Variants in CNOT2 observed in about 807,000 individuals in gnomAD.
CNOT2 encodes CC chemokine receptor 4-negative regulator of transcription 2.
Under a neutral mutation model 72.1 loss-of-function variants are expected in CNOT2, and 7 were observed. The ratio of observed to expected loss-of-function variants is 0.10; its 90% CI spans 0.06 to 0.18. The LOEUF is 0.18. Ranked by LOEUF, CNOT2 falls within the 10% of genes least tolerant of loss-of-function variation. The pLI, the probability that CNOT2 is intolerant of heterozygous loss-of-function variation, is 1.00. For synonymous variants in CNOT2, 196 were observed against 225.6 expected (o/e 0.87, Z 1.17); for missense variants, 345 against 660.3 (o/e 0.52, Z 5.23).
At chr12:70,293,355 C>T (rs1872266222) in intron 2 of CNOT2, among the ~76,000 whole-genome samples, 1 of 151,950 alleles carries the variant, frequency 6.6e-6, no homozygotes, top group Non-Finnish European at 1.5e-5. Flanking sequence ...AGAAGGGTTT[C>T]TCCATGTTGG....
At chr12:70,245,773 A>G (rs995539286) in intron 1 of CNOT2, among the ~76,000 whole-genome samples, 58 of 152,212 alleles carry the variant, frequency 3.8e-4, no homozygotes, top group African/African-American at 1.3e-3. Context: ...AACTTCCCAT[A>G]TACCTCCCTA....
chr12:70,332,553 C>A, intron 6 of CNOT2: 1 of 661,970 alleles, frequency 1.5e-6, no homozygotes, highest in Non-Finnish European at 2.1e-6. Context: ...TTTAACTAAT[C>A]TGCCTAAAAT....
intron 2 of CNOT2, among the ~76,000 whole-genome samples, chr12:70,291,939 A>AAAAAC (rs1316787138): frequency 6.6e-6 from 1 of 152,232 alleles, no homozygotes; most frequent in Non-Finnish European, 1.5e-5. Flanking sequence ...TCCGTCTCAA[A>AAAAAC]AAAACAAAAC....
At chr12:70,310,061 A>G (rs1043536020) in intron 2 of CNOT2, among the ~76,000 whole-genome samples, 28 of 152,118 alleles carry the variant, frequency 1.8e-4, no homozygotes, top group African/African-American at 6.3e-4. Flanking sequence ...TTTACATTGT[A>G]TTAGATATTA....
At chr12:70,288,086 A>T (rs1419470441) in intron 2 of CNOT2, among the ~76,000 whole-genome samples, 1 of 139,488 alleles carries the variant, frequency 7.2e-6, no homozygotes, top group Non-Finnish European at 1.5e-5. Context: ...GAACATCAAG[A>T]TTTTTTGCTG....
chr12:70,307,177 T>C (rs897478006), intron 2 of CNOT2, among the ~76,000 whole-genome samples: 4 of 152,234 alleles, frequency 2.6e-5, no homozygotes, highest in Non-Finnish European at 5.9e-5. Flanking sequence ...ACACTTAGGC[T>C]ACACTAAATT....
At chr12:70,265,273 T>TTCTTCTCTTCTCTTCTCTTC (rs1555188161) in intron 1 of CNOT2, among the ~76,000 whole-genome samples, 5,922 of 125,350 alleles carry the variant, frequency 0.047, 209 homozygotes, top group Non-Finnish European at 0.068. Flanking sequence ...TTCGTTTTGT[T>TTCTTCTCTTCTCTTCTCTTC]TCTTCTCTTC....
chr12:70,294,319 G>A (rs777598597), intron 2 of CNOT2: 2 of 1,285,096 alleles, frequency 1.6e-6, no homozygotes, highest in African/African-American at 1.5e-5. Flanking sequence ...GGGAAAGCCG[G>A]GGGAAAAATG....
intron 15 of CNOT2, among the ~76,000 whole-genome samples, chr12:70,347,275 G>C (rs917359502): frequency 2.6e-5 from 4 of 151,992 alleles, no homozygotes; most frequent in Admixed American, 1.3e-4. Context: ...AACATTTTAA[G>C]AAGACAATGT....
chr12:70,265,063 C>G (rs1958955997), intron 1 of CNOT2, among the ~76,000 whole-genome samples: 1 of 151,348 alleles, frequency 6.6e-6, no homozygotes, highest in African/African-American at 2.4e-5. Context: ...GAATTTTTGC[C>G]TTTATATTTA....
At chr12:70,335,854 A>C (rs964513877) in intron 8 of CNOT2, 18 of 213,606 alleles carry the variant, frequency 8.4e-5, no homozygotes, top group African/African-American at 3.5e-4. Context: ...GTTTACCTTA[A>C]GTGTTTTATT....
chr12:70,276,734 GAT>G (rs1364408339), intron 1 of CNOT2, among the ~76,000 whole-genome samples: 2 of 151,930 alleles, frequency 1.3e-5, no homozygotes, highest in Non-Finnish European at 2.9e-5. Flanking sequence ...TTTTGAAAGA[GAT>G]ATTTAATTCC....
At chr12:70,327,460 G>A (rs1036182812) in intron 4 of CNOT2, 1 of 151,890 alleles carries the variant, frequency 6.6e-6, no homozygotes, top group East Asian at 1.9e-4. Flanking sequence ...TAGCAGCTAA[G>A]AGATCTAAAT....
intron 2 of CNOT2, among the ~76,000 whole-genome samples, chr12:70,295,089 C>G (rs1329855909): frequency 6.6e-6 from 1 of 152,150 alleles, no homozygotes; most frequent in African/African-American, 2.4e-5. Flanking sequence ...TACTTTTGAG[C>G]TTCTTCTCAG....
intron 1 of CNOT2, among the ~76,000 whole-genome samples, chr12:70,268,666 G>T (rs921800576): frequency 6.6e-6 from 1 of 150,436 alleles, no homozygotes; most frequent in East Asian, 2.0e-4. Flanking sequence ...TCACTATGTT[G>T]CCTGGTCTGG....
chr12:70,250,531 GAGAC>G (rs1029600976), intron 1 of CNOT2, among the ~76,000 whole-genome samples: 18 of 152,148 alleles, frequency 1.2e-4, no homozygotes, highest in African/African-American at 2.6e-4. Context: ...TCTGGAGGAG[GAGAC>G]AGACAGTAAA....
intron 11 of CNOT2, among the ~76,000 whole-genome samples, chr12:70,341,246 C>T (rs1297314912): frequency 6.6e-6 from 1 of 152,120 alleles, no homozygotes; most frequent in African/African-American, 2.4e-5. Context: ...GTCCCCTAAC[C>T]CCACCTCAAC....
At chr12:70,309,164 G>A (rs765408449) in intron 2 of CNOT2, among the ~76,000 whole-genome samples, 4 of 152,074 alleles carry the variant, frequency 2.6e-5, no homozygotes, top group Non-Finnish European at 5.9e-5. Context: ...CGGGATCCTG[G>A]TCTGAAATAA....
chr12:70,249,261 A>G (rs1038356395), intron 1 of CNOT2, among the ~76,000 whole-genome samples: 1 of 152,006 alleles, frequency 6.6e-6, no homozygotes, highest in Non-Finnish European at 1.5e-5. Context: ...TTCATAGGTC[A>G]GTAAAATAAA....
Sources: gnomAD v4.1 joint callset for allele counts (sites outside exome capture counted in the v4.1 genomes callset) on GRCh38, gnomAD v4.1.1 for gene constraint, MANE v1.5 for transcripts, NCBI Gene and HGNC (gene_info 2026-07-23, HGNC 2026-07-21) for gene names.